TRAM1: variants seen among roughly 807,000 people sequenced by gnomAD.
TRAM1 encodes the protein translocation associated membrane protein 1, also known as translocating chain-associated membrane protein 1.
Under a neutral mutation model 48.7 loss-of-function variants are expected in TRAM1, and 17 were observed. The observed-to-expected ratio is 0.35, with a 90% confidence interval of 0.24 to 0.52. The LOEUF (loss-of-function observed/expected upper bound fraction) is 0.52, where lower values mean the gene tolerates loss of function less well. Among genes scored for constraint, TRAM1 ranks in the 20% least tolerant of loss-of-function variants. The pLI, the probability that TRAM1 is intolerant of heterozygous loss-of-function variation, is 0.94. For missense variants in TRAM1, 351 were observed against 441.5 expected (o/e 0.79, Z 1.84); for synonymous variants, 182 against 154.0 (o/e 1.18, Z -1.34).
intron 8 of TRAM1, among the ~76,000 whole-genome samples, chr8:70,585,930 C>T: frequency 6.7e-6 from 1 of 149,826 alleles, no homozygotes; most frequent in Non-Finnish European, 1.5e-5. Context: ...TGGGTGTATA[C>T]CCAAAGGATT....
chr8:70,598,192 A>G lies in TRAM1; in HGVS notation c.251T>C (p.Phe84Ser). 2 of 1,613,486 alleles carry G rather than the reference A, an allele frequency of 1.2e-6. No individual in the cohort carries two copies. Among genetic ancestry groups the G allele is most frequent in the Non-Finnish European group, 1.7e-6 (2 of 1,179,700 alleles). The change falls in exon 3 of 11, where the codon TTC (phenylalanine) becomes TCC (serine). Residue 84 changes from phenylalanine (F) to serine (S), a missense_variant. Phe to Ser is a radical substitution (Grantham distance 155). Transcript: ENST00000262213. Reference sequence around the variant, plus strand: ...AATTATCGCCACTAGCATGTAGAAGAAAACAGTAGCCAAATCTTTGATGCC... The same window carrying G: ...AATTATCGCCACTAGCATGTAGAAGGAAACAGTAGCCAAATCTTTGATGCC... ...YYGIKDLATV[F>S]FYMLVAIIIH...
Position 70,608,389 on chromosome 8 carries a change from A to G in TRAM1, c.-190T>C, listed in dbSNP as rs531141838. On this transcript the variant is annotated 5_prime_UTR_variant, in exon 1 of 11. Transcript: ENST00000262213. ...CGCCCGGGGGAAAAAAAAAAACACAACAGCTAGCCCGCAGCGGGGGCGAGC... is the reference window on the plus strand; with the variant it reads ...CGCCCGGGGGAAAAAAAAAAACACAGCAGCTAGCCCGCAGCGGGGGCGAGC... The G allele has an allele frequency of 1.6e-5, 6 of 382,834 alleles. No homozygotes were observed. Among genetic ancestry groups the G allele is most frequent in the South Asian group, 6.4e-5 (2 of 31,418 alleles). The allele number at this position is 382,834 out of a possible 1,614,324, so 23.7% of individuals were successfully genotyped here. A position where few individuals can be genotyped will look rare whatever the true frequency, so the allele number is the denominator to read the frequency against.
chr8:70,583,478 T>A (rs1817128706), intron 9 of TRAM1, among the ~76,000 whole-genome samples, 154 bp from the exon 10 acceptor site: 1 of 152,240 alleles, frequency 6.6e-6, no homozygotes, highest in African/African-American at 2.4e-5. Context: ...AAAAGTTAAA[T>A]GCTTTAGTAC....
chr8:70,574,192 AT>A lies in TRAM1; in HGVS notation c.*739del. ...CATATCAAAAAGGGCTATATGTCAG[AT>A]TTTCCTGTTCATAGTAAATATTTTC... On this transcript the variant is annotated 3_prime_UTR_variant, in exon 11 of 11. Coordinates refer to ENST00000262213, the MANE Select transcript of TRAM1 (RefSeq NM_014294.6). 2 of 405,656 alleles carry A rather than the reference AT, an allele frequency of 4.9e-6. No individual in the cohort carries two copies. Among genetic ancestry groups the A allele is most frequent in the Admixed American group, 3.6e-5 (1 of 27,612 alleles). The allele number at this position is 405,656 out of a possible 1,614,324, so 25.1% of individuals were successfully genotyped here. A position where few individuals can be genotyped will look rare whatever the true frequency, so the allele number is the denominator to read the frequency against.
intron 6 of TRAM1, among the ~76,000 whole-genome samples, chr8:70,594,115 G>A (rs1471308734): frequency 6.6e-6 from 1 of 152,064 alleles, no homozygotes; most frequent in Non-Finnish European, 1.5e-5. Flanking sequence ...ACACAGAACT[G>A]TTAGTTGTAA....
intron 6 of TRAM1, 39 bp from the exon 7 acceptor site, chr8:70,587,215 CA>C (rs1368839864): frequency 6.3e-7 from 1 of 1,590,372 alleles, no homozygotes; most frequent in Non-Finnish European, 8.6e-7. Flanking sequence ...CATGCTAAAA[CA>C]TTTCCTTTCC....
chr8:70,591,007 TAAA>T (rs766457339), intron 6 of TRAM1, among the ~76,000 whole-genome samples: 1 of 129,372 alleles, frequency 7.7e-6, no homozygotes. Flanking sequence ...ACAATAATAA[TAAA>T]AAAAAAAAAG....
chr8:70,608,006 G>C, intron 1 of TRAM1, 71 bp downstream of exon 1: 2 of 1,474,168 alleles, frequency 1.4e-6, no homozygotes, highest in African/African-American at 2.9e-5. Context: ...GAGAAGCCGG[G>C]GCTGGCATCT....
At position 70,608,289 on chromosome 8, in the gene TRAM1, G is replaced by T; in HGVS notation, c.-90C>A. ...GACTCGCCGCCGCCTCCCGCTGGCTGCTCCTCACGGCCCCGCTGCAGCCGC... is the reference window on the plus strand; with the variant it reads ...GACTCGCCGCCGCCTCCCGCTGGCTTCTCCTCACGGCCCCGCTGCAGCCGC... On this transcript the variant is annotated 5_prime_UTR_variant, in exon 1 of 11. Transcript: ENST00000262213. The T allele has an allele frequency of 1.4e-6, 2 of 1,460,416 alleles. No individual in the cohort carries two copies. Among genetic ancestry groups the T allele is most frequent in the Non-Finnish European group, 1.8e-6 (2 of 1,106,630 alleles). The allele number at this position is 1,460,416 out of a possible 1,614,324, so 90.5% of individuals were successfully genotyped here.
chr8:70,600,278 G>A (rs576537293), intron 1 of TRAM1, among the ~76,000 whole-genome samples, 196 bp from the exon 2 acceptor site: 115 of 152,164 alleles, frequency 7.6e-4, no homozygotes, highest in Non-Finnish European at 1.5e-3. Context: ...ACTCTTCTGC[G>A]GTTTAGGTAA....
rs181118875 is a variant in TRAM1, at chr8:70,581,439, G to T, written c.1051+1725C>A. On this transcript the variant is annotated intron_variant, in intron 10 of 10. Coordinates refer to ENST00000262213, the MANE Select transcript of TRAM1 (RefSeq NM_014294.6). Reference sequence around the variant, plus strand: ...TTCTTAAAAATGATTTTTGAAAAGGGTATCAAGACAGTTCAAGTGAAGGAG... The same window carrying T: ...TTCTTAAAAATGATTTTTGAAAAGGTTATCAAGACAGTTCAAGTGAAGGAG... Among the ~76,000 whole-genome samples the T allele has an allele frequency of 2.6e-5, 4 of 152,308 alleles. No individual in the cohort carries two copies. The East Asian group carries it at 7.7e-4, about 29-fold the overall frequency.
At chr8:70,605,211 T>C (rs1256570076) in intron 1 of TRAM1, among the ~76,000 whole-genome samples, 2 of 152,194 alleles carry the variant, frequency 1.3e-5, no homozygotes, top group South Asian at 2.1e-4. Context: ...CTACCACTTA[T>C]TGCACACCTT....
chr8:70,598,675 A>G (rs1043053062), intron 2 of TRAM1, among the ~76,000 whole-genome samples: 3 of 152,172 alleles, frequency 2.0e-5, no homozygotes, highest in African/African-American at 7.2e-5. Flanking sequence ...CTGATGAAAA[A>G]GCTGATTTGA....
At chr8:70,598,107 T>C (rs1183908512) in intron 3 of TRAM1, 27 bp downstream of exon 3, 8 of 1,601,108 alleles carry the variant, frequency 5.0e-6, no homozygotes, top group Admixed American at 1.7e-5. Context: ...CTTTATAAAG[T>C]ATAGATTTCT....
rs1563377345 is a variant in TRAM1 at position 70,574,583 on chromosome 8, T to TA, written c.*348dup. On this transcript the variant is annotated 3_prime_UTR_variant, in exon 11 of 11. Coordinates refer to ENST00000262213, the MANE Select transcript of TRAM1 (RefSeq NM_014294.6). ...CTTAGAACAGGCCACTCTGCTATTA[T>TA]AAAAAATTGGTGACAGCAAGAAATT... The TA allele has an allele frequency of 4.7e-6, 1 of 213,098 alleles. No homozygotes were observed. Among genetic ancestry groups the TA allele is most frequent in the East Asian group, 1.6e-4 (1 of 6,386 alleles). 13.2% of individuals were successfully genotyped at this position (213,098 alleles called of 1,614,324 possible). A position where few individuals can be genotyped will look rare whatever the true frequency, so the allele number is the denominator to read the frequency against.
intron 4 of TRAM1, among the ~76,000 whole-genome samples, chr8:70,597,443 G>A (rs765054999): frequency 5.3e-5 from 8 of 151,862 alleles, no homozygotes; most frequent in Non-Finnish European, 8.8e-5. Flanking sequence ...AGGCCGAGGC[G>A]GGTGGATCAC....
chr8:70,579,571 T>C (rs528708827), intron 10 of TRAM1, among the ~76,000 whole-genome samples: 1 of 152,332 alleles, frequency 6.6e-6, no homozygotes, highest in South Asian at 2.1e-4. Context: ...TATTTTAACA[T>C]TGATAGTCAA....
rs541990542 is a variant in TRAM1 at position 70,606,887 on chromosome 8, C to G, written c.123+1190G>C. ...AGAAAATGTATTCACCTTTTGGTCA[C>G]TGGTAATATCATTCCATTAGGTTTT... is the stretch of plus-strand genomic sequence containing the variant. On this transcript the variant is annotated intron_variant, in intron 1 of 10. Coordinates refer to ENST00000262213, the MANE Select transcript of TRAM1 (RefSeq NM_014294.6). 2.0e-5 allele frequency: 20 copies of G among 984,806 alleles called. No homozygotes were observed. The East Asian group carries it at 1.6e-3, about 78-fold the overall frequency. 61.0% of individuals were successfully genotyped at this position (984,806 alleles called of 1,614,324 possible).
intron 1 of TRAM1, among the ~76,000 whole-genome samples, chr8:70,603,303 T>TACACACACACACAC (rs35864770): frequency 1.0e-4 from 15 of 149,978 alleles, no homozygotes; most frequent in African/African-American, 3.4e-4. Flanking sequence ...ATATGTTTTA[T>TACACACACACACAC]ACACACACAC....
Sources: gnomAD v4.1 joint callset for allele counts (sites outside exome capture counted in the v4.1 genomes callset) on GRCh38, gnomAD v4.1.1 for gene constraint, MANE v1.5 for transcripts, NCBI Gene and HGNC (gene_info 2026-07-23, HGNC 2026-07-21) for gene names.